The following CTTNBP2 variants were observed in gnomAD, a reference collection of about 807,000 sequenced individuals.
CTTNBP2 encodes cortactin-binding protein 2.
CTTNBP2 carries 108 observed loss-of-function variants against 156.9 expected under a neutral mutation model. That is an observed-to-expected ratio of 0.69 (90% CI 0.59 to 0.81). The LOEUF is 0.81. CTTNBP2 is among the 30% of genes least tolerant of loss of function. CTTNBP2 has a pLI of 0.00. For synonymous variants in CTTNBP2, 767 were observed against 751.8 expected, an observed-to-expected ratio of 1.02 and a Z score of -0.33; for missense variants, 1,924 against 2,035.4, an observed-to-expected ratio of 0.95 and a Z score of 1.05.
intron 2 of CTTNBP2, among the ~76,000 whole-genome samples, chr7:117,823,684 T>G (rs1801110132): frequency 6.6e-6 from 1 of 152,150 alleles, no homozygotes; most frequent in African/African-American, 2.4e-5. Context: ...AACTGATTTC[T>G]TGCTCTTCTT....
At chr7:117,865,398 C>T (rs1367005892) in intron 1 of CTTNBP2, among the ~76,000 whole-genome samples, 1 of 151,924 alleles carries the variant, frequency 6.6e-6, no homozygotes, top group Non-Finnish European at 1.5e-5. Flanking sequence ...CGGTGGCTCA[C>T]GCCTGTAATC....
At chr7:117,855,018 C>A (rs1240517895) in intron 2 of CTTNBP2, among the ~76,000 whole-genome samples, 1 of 152,084 alleles carries the variant, frequency 6.6e-6, no homozygotes, top group African/African-American at 2.4e-5. Context: ...CTCCTGACCT[C>A]AAGTGATCCA....
chr7:117,867,213 G>T (rs971187015), intron 1 of CTTNBP2, among the ~76,000 whole-genome samples: 11 of 152,240 alleles, frequency 7.2e-5, no homozygotes, highest in East Asian at 3.9e-4. Context: ...AAGGAGGAAA[G>T]AATTTTTGTG....
rs189993732 is a variant in CTTNBP2 at position 117,808,299 on chromosome 7, A to C, written c.414+2466T>G. On this transcript the variant is annotated intron_variant, in intron 3 of 22. Transcript: ENST00000160373. ...TGATAGACAAGATTAAAAAAAAAAA[A>C]CCTCCAAATATCATTCCATCCTGGG... is the stretch of plus-strand genomic sequence containing the variant. Among the ~76,000 whole-genome samples, 427 of 151,948 alleles carry C rather than the reference A, an allele frequency of 2.8e-3. 2 individuals carry two copies. Among genetic ancestry groups the C allele is most frequent in the African/African-American group, 9.7e-3 (403 of 41,446 alleles).
At chr7:117,767,495 C>T (rs1172201356) in intron 8 of CTTNBP2, among the ~76,000 whole-genome samples, 1 of 152,132 alleles carries the variant, frequency 6.6e-6, no homozygotes, top group Non-Finnish European at 1.5e-5. Flanking sequence ...AAATTAATTT[C>T]AGCAGACATT....
intron 12 of CTTNBP2, among the ~76,000 whole-genome samples, chr7:117,747,914 G>A (rs1331208167): frequency 2.6e-5 from 4 of 152,138 alleles, no homozygotes; most frequent in African/African-American, 9.7e-5. Context: ...GTCCTTTAAG[G>A]GGCTCCTTGA....
chr7:117,749,709 AT>A (rs201077485), intron 12 of CTTNBP2, among the ~76,000 whole-genome samples: 91 of 149,638 alleles, frequency 6.1e-4, no homozygotes, highest in African/African-American at 1.7e-3. Flanking sequence ...ATCTTTTTTT[AT>A]TTTTTTTTTA....
At chr7:117,770,293 A>C (rs1797732930) in intron 8 of CTTNBP2, among the ~76,000 whole-genome samples, 1 of 152,214 alleles carries the variant, frequency 6.6e-6, no homozygotes. Context: ...AATTTTTATT[A>C]CATTCAGGTA....
At chr7:117,713,497 TCAG>T (rs1562942345) in intron 22 of CTTNBP2, among the ~76,000 whole-genome samples, 2 of 152,312 alleles carry the variant, frequency 1.3e-5, no homozygotes, top group African/African-American at 2.4e-5. Context: ...CAGGAAATCC[TCAG>T]TTATCTTTAG....
At chr7:117,733,810 G>A (rs911822496) in intron 16 of CTTNBP2, among the ~76,000 whole-genome samples, 4 of 152,208 alleles carry the variant, frequency 2.6e-5, no homozygotes, top group Admixed American at 1.3e-4. Flanking sequence ...GCACAAATGC[G>A]TACACATACT....
intron 3 of CTTNBP2, among the ~76,000 whole-genome samples, chr7:117,803,615 A>C (rs909336544): frequency 6.6e-6 from 1 of 152,178 alleles, no homozygotes; most frequent in African/African-American, 2.4e-5. Flanking sequence ...TGACTTTTTT[A>C]TGTATTAAGG....
intron 2 of CTTNBP2, among the ~76,000 whole-genome samples, chr7:117,813,646 C>G (rs1045837859): frequency 6.6e-6 from 1 of 152,086 alleles, no homozygotes; most frequent in Non-Finnish European, 1.5e-5. Context: ...CCGCGTCTAT[C>G]TCTCCTTCAC....
intron 2 of CTTNBP2, among the ~76,000 whole-genome samples, chr7:117,827,619 G>A (rs1390924652): frequency 6.6e-6 from 1 of 152,196 alleles, no homozygotes; most frequent in Non-Finnish European, 1.5e-5. Flanking sequence ...CGGGGAGAAT[G>A]TAGTTTGCAG....
At chr7:117,742,208 T>C (rs1334079751) in intron 14 of CTTNBP2, among the ~76,000 whole-genome samples, 1 of 152,226 alleles carries the variant, frequency 6.6e-6, no homozygotes, top group Non-Finnish European at 1.5e-5. Flanking sequence ...CACTAGTCTA[T>C]AACAGACTAC....
chr7:117,816,779 G>T (rs1457042060), intron 2 of CTTNBP2, among the ~76,000 whole-genome samples: 1 of 152,050 alleles, frequency 6.6e-6, no homozygotes, highest in African/African-American at 2.4e-5. Flanking sequence ...AATAAAGGCA[G>T]ATCAACAACA....
intron 14 of CTTNBP2, 136 bp from the exon 15 acceptor site, chr7:117,735,557 G>C: frequency 1.4e-6 from 1 of 716,032 alleles, no homozygotes. Flanking sequence ...ATTGCTTGGG[G>C]AGTGAACAAC....
At chr7:117,865,924 AATTT>A (rs1414257044) in intron 1 of CTTNBP2, among the ~76,000 whole-genome samples, 1 of 148,062 alleles carries the variant, frequency 6.8e-6, no homozygotes, top group South Asian at 2.1e-4. Context: ...TATTATATAT[AATTT>A]ATTTAAAATT....
In CTTNBP2 at chr7:117,777,737, A is replaced by G. The variant is rs1798185893; in HGVS notation, c.2552T>C (p.Val851Ala). ...GAGGCTGTCCACATTACCAGTGTCC[A>G]CAGCTGCGTGAACTGGTGTCCAGCC... ...TDGWTPVHAA[V>A]DTGNVDSLKL... Residue 851 changes from valine to alanine, a missense_variant, in exon 8 of 23, where the codon GTG becomes GCG. Val to Ala is a moderately conservative substitution (Grantham distance 64). Transcript: ENST00000160373. 6.2e-7 allele frequency: 1 copy of G among 1,612,340 alleles called. No individual in the cohort carries two copies. Among genetic ancestry groups the G allele is most frequent in the Non-Finnish European group, 8.5e-7 (1 of 1,178,498 alleles).
At chr7:117,749,160 C>G (rs146606459) in intron 12 of CTTNBP2, among the ~76,000 whole-genome samples, 2 of 152,190 alleles carry the variant, frequency 1.3e-5, no homozygotes, top group Non-Finnish European at 2.9e-5. Flanking sequence ...AGTTTTCAGA[C>G]TGAAAACTGT....
Sources: allele counts gnomAD v4.1 joint callset (sites outside exome capture counted in the v4.1 genomes callset), GRCh38; gene constraint gnomAD v4.1.1; transcripts MANE v1.5; gene names NCBI Gene and HGNC (gene_info 2026-07-23, HGNC 2026-07-21).